The following SGCZ variants were observed in gnomAD, a reference collection of about 807,000 sequenced individuals.
SGCZ encodes sarcoglycan zeta.
SGCZ carries 40 observed loss-of-function variants against 41.3 expected under a neutral mutation model. The observed-to-expected ratio is 0.97, with a 90% CI of 0.75 to 1.26. SGCZ has a LOEUF of 1.26. Ranked by LOEUF, SGCZ falls within the 50% of genes most tolerant of loss-of-function variation. The probability of loss-of-function intolerance (pLI) is 0.00; values close to 1 mark genes in which losing one functional copy is unlikely to be tolerated. For missense variants in SGCZ, 552 were observed against 369.8 expected (o/e 1.49, Z -4.04); for synonymous variants, 206 against 137.5 (o/e 1.50, Z -3.49).
chr8:14,771,646 C>G (rs551689914), intron 1 of SGCZ, among the ~76,000 whole-genome samples: 1 of 152,140 alleles, frequency 6.6e-6, no homozygotes, highest in Admixed American at 6.5e-5. Context: ...TTTAAACTTT[C>G]ATTCATCAAG....
chr8:14,449,905 G>C (rs765649823), intron 2 of SGCZ, among the ~76,000 whole-genome samples: 1 of 152,126 alleles, frequency 6.6e-6, no homozygotes, highest in African/African-American at 2.4e-5. Context: ...CAAAGTAAGA[G>C]TGAACAACAT....
At chr8:14,262,622 C>T (rs1257973139) in intron 3 of SGCZ, among the ~76,000 whole-genome samples, 4 of 151,496 alleles carry the variant, frequency 2.6e-5, no homozygotes, top group African/African-American at 4.8e-5. Context: ...TACATTGTAG[C>T]GCTCAAAATA....
intron 4 of SGCZ, chr8:14,164,972 T>G: frequency 2.9e-6 from 1 of 344,334 alleles, no homozygotes; most frequent in South Asian, 3.3e-5. Flanking sequence ...CCTTCACATA[T>G]CCACAAAAAG....
chr8:15,189,549 T>A (rs781559582), intron 1 of SGCZ, among the ~76,000 whole-genome samples: 9 of 148,076 alleles, frequency 6.1e-5, no homozygotes, highest in Non-Finnish European at 1.3e-4. Flanking sequence ...TCAAAATACT[T>A]CATGAGGACC....
chr8:14,256,492 T>A (rs1319934832), intron 3 of SGCZ, among the ~76,000 whole-genome samples: 3 of 150,502 alleles, frequency 2.0e-5, no homozygotes, highest in Non-Finnish European at 3.0e-5. Flanking sequence ...TGCTTAATAT[T>A]AAATCCCTCA....
At chr8:14,250,147 A>G (rs1480760096) in intron 3 of SGCZ, among the ~76,000 whole-genome samples, 1 of 152,236 alleles carries the variant, frequency 6.6e-6, no homozygotes, top group African/African-American at 2.4e-5. Context: ...GAATGACTCT[A>G]ACAGCCCAGC....
chr8:14,122,043 C>G (rs1268304883), intron 5 of SGCZ, among the ~76,000 whole-genome samples: 2 of 152,132 alleles, frequency 1.3e-5, no homozygotes, highest in African/African-American at 2.4e-5. Flanking sequence ...CTTTGGGAGG[C>G]CGAGGCGGGC....
At chr8:14,113,631 T>A (rs1802439470) in intron 5 of SGCZ, among the ~76,000 whole-genome samples, 1 of 152,080 alleles carries the variant, frequency 6.6e-6, no homozygotes, top group African/African-American at 2.4e-5. Context: ...TGAGATGTCC[T>A]TTCTTGTTCA....
intron 1 of SGCZ, among the ~76,000 whole-genome samples, chr8:14,627,831 C>T (rs903727905): frequency 3.3e-5 from 5 of 151,970 alleles, no homozygotes; most frequent in African/African-American, 7.2e-5. Flanking sequence ...AAGGCTCTGA[C>T]GTTAACCTGG....
intron 3 of SGCZ, chr8:14,309,285 G>C: frequency 6.4e-7 from 1 of 1,568,486 alleles, no homozygotes; most frequent in Non-Finnish European, 8.8e-7. Flanking sequence ...ATGCCTGGCT[G>C]TGACTACTCA....
intron 1 of SGCZ, among the ~76,000 whole-genome samples, chr8:14,711,913 C>G (rs1809531619): frequency 6.6e-6 from 1 of 152,142 alleles, no homozygotes; most frequent in Non-Finnish European, 1.5e-5. Context: ...CTCTCAGGTT[C>G]CTATGTAGGC....
At chr8:14,607,906 C>T (rs545278371) in intron 1 of SGCZ, among the ~76,000 whole-genome samples, 1 of 152,076 alleles carries the variant, frequency 6.6e-6, no homozygotes, top group Non-Finnish European at 1.5e-5. Flanking sequence ...TTTAAAATTA[C>T]AGTAAAAATA....
At chr8:14,387,048 G>C (rs571399966) in intron 2 of SGCZ, among the ~76,000 whole-genome samples, 4 of 152,188 alleles carry the variant, frequency 2.6e-5, no homozygotes, top group Non-Finnish European at 5.9e-5. Context: ...AGTTAAAAAT[G>C]TGAAAACACA....
At chr8:14,917,513 T>A (rs541600716) in intron 1 of SGCZ, among the ~76,000 whole-genome samples, 44 of 152,232 alleles carry the variant, frequency 2.9e-4, no homozygotes, top group African/African-American at 9.9e-4. Context: ...TGCAATTGGA[T>A]TCTTTATTTG....
At chr8:15,189,659 C>G (rs1347289388) in intron 1 of SGCZ, among the ~76,000 whole-genome samples, 1 of 152,054 alleles carries the variant, frequency 6.6e-6, no homozygotes, top group Non-Finnish European at 1.5e-5. Flanking sequence ...CCTCTGCCTC[C>G]TACCTGAGCC....
At chr8:14,646,434 T>G (rs118053402) in intron 1 of SGCZ, among the ~76,000 whole-genome samples, 4,814 of 147,846 alleles carry the variant, frequency 0.033, 133 homozygotes, top group Middle Eastern at 0.083. Context: ...TACTACATTT[T>G]CATTATCCAA....
At chr8:14,200,474 T>C (rs930308489) in intron 4 of SGCZ, among the ~76,000 whole-genome samples, 4 of 152,160 alleles carry the variant, frequency 2.6e-5, no homozygotes, top group African/African-American at 9.7e-5. Context: ...AAGAATCATG[T>C]ACAGTGCAGT....
rs192100137 is a variant in SGCZ at position 15,190,529 on chromosome 8, T to A, written c.39+47056A>T. ...GTGGTGTACTTACAATAAAGCTTTCTTGAAAGAGTGGCCCAGAGACTTGTT... is the reference window on the plus strand; with the variant it reads ...GTGGTGTACTTACAATAAAGCTTTCATGAAAGAGTGGCCCAGAGACTTGTT... On this transcript the variant is annotated intron_variant, in intron 1 of 7. Transcript: ENST00000382080. 2.4e-4 allele frequency among the ~76,000 whole-genome samples: 36 copies of A among 152,302 alleles called. No homozygotes were observed. In the East Asian group the frequency reaches 4.1e-3, roughly 17 times the overall value.
intron 2 of SGCZ, among the ~76,000 whole-genome samples, chr8:14,465,480 A>T (rs796475576): frequency 3.3e-5 from 5 of 151,768 alleles, no homozygotes; most frequent in African/African-American, 1.2e-4. Flanking sequence ...CATCATTTTT[A>T]ATCCATGTAC....
Sources: gnomAD v4.1 joint callset for allele counts (sites outside exome capture counted in the v4.1 genomes callset) on GRCh38, gnomAD v4.1.1 for gene constraint, MANE v1.5 for transcripts, NCBI Gene and HGNC (gene_info 2026-07-23, HGNC 2026-07-21) for gene names.